The following WDR93 variants were observed in gnomAD, a reference collection of about 807,000 sequenced individuals.
WDR93 encodes the protein WD repeat-containing protein 93.
A neutral mutation model predicts 82.9 loss-of-function variants in WDR93; 73 were observed. That is an observed-to-expected ratio of 0.88 (90% CI 0.73 to 1.07). The LOEUF is 1.07. Ranked by LOEUF, WDR93 falls within the 50% of genes least tolerant of loss-of-function variation. The pLI is 0.00. For synonymous variants in WDR93, 283 were observed against 300.1 expected (o/e 0.94, Z 0.59); for missense variants, 738 against 826.0 (o/e 0.89, Z 1.31).
In WDR93 at chr15:89,703,008, C is replaced by G. The variant is rs749750632; in HGVS notation, c.362C>G (p.Ala121Gly). The G allele has an allele frequency of 6.2e-7, 1 of 1,614,108 alleles. No individual in the cohort carries two copies. The highest frequency in any genetic ancestry group is 1.1e-5 in the South Asian group (1 of 91,060). The change falls in exon 3 of 17, where the codon GCC becomes GGC. Residue 121 changes from alanine to glycine, a missense_variant. Transcript: ENST00000268130. ...VSQDYVFIGGAKGFSIYNLYS... is the reference protein window; with the variant it reads ...VSQDYVFIGGGKGFSIYNLYS... ...CAAGACTATGTGTTTATTGGAGGAG[C>G]CAAAGGATTCTCAATTTATAATCTG...
At chr15:89,742,466 G>T (rs1967757575) in intron 16 of WDR93, among the ~76,000 whole-genome samples, 1 of 152,032 alleles carries the variant, frequency 6.6e-6, no homozygotes, top group Non-Finnish European at 1.5e-5. Context: ...ACTCTGAGGG[G>T]TGAATCTTGG....
chr15:89,691,519 A>G (rs1228247079), intron 1 of WDR93, among the ~76,000 whole-genome samples: 1 of 152,112 alleles, frequency 6.6e-6, no homozygotes. Flanking sequence ...GGAGTTGGAG[A>G]CCAGCCTGGC....
At position 89,727,221 on chromosome 15, in the gene WDR93, C is replaced by T. The variant is rs754921046; in HGVS notation, c.945C>T (p.Ser315=). ...AKIKDCYGLG[S]GQNHFIKDSQ... ...TCAAGGACTGCTACGGACTGGGCTCCGGGCAGAATCATTTCATCAAGGACA... is the reference window on the plus strand; with the variant it reads ...TCAAGGACTGCTACGGACTGGGCTCTGGGCAGAATCATTTCATCAAGGACA... Residue 315 remains serine, a synonymous_variant, in exon 9 of 17, where the codon TCC becomes TCT. Transcript: ENST00000268130. 13 of 1,614,004 alleles carry T rather than the reference C, an allele frequency of 8.1e-6. No homozygotes were observed. The highest frequency in any genetic ancestry group is 6.7e-5 in the African/African-American group (5 of 74,894).
chr15:89,703,458 C>A (rs550833457), intron 3 of WDR93: 18 of 385,196 alleles, frequency 4.7e-5, no homozygotes, highest in South Asian at 3.5e-4. Context: ...TCAAACCAGG[C>A]AGTATGGCCC....
intron 3 of WDR93, chr15:89,705,269 C>T (rs1965674888): frequency 7.4e-6 from 3 of 407,766 alleles, no homozygotes; most frequent in African/African-American, 2.1e-5. Context: ...AGATAGGAAT[C>T]AACCAGTGGA....
intron 4 of WDR93, among the ~76,000 whole-genome samples, chr15:89,708,123 G>T (rs1473681343): frequency 6.6e-6 from 1 of 152,170 alleles, no homozygotes; most frequent in Non-Finnish European, 1.5e-5. Flanking sequence ...GTTGTTGCCT[G>T]GGGCAACACA....
chr15:89,740,644 G>GTA (rs1447443344), intron 16 of WDR93, among the ~76,000 whole-genome samples: 3 of 152,030 alleles, frequency 2.0e-5, no homozygotes, highest in Admixed American at 1.3e-4. Context: ...TGGGATTACA[G>GTA]GCATGCGCCA....
intron 2 of WDR93, 129 bp from the exon 3 acceptor site, chr15:89,702,821 T>C: frequency 9.4e-7 from 1 of 1,061,842 alleles, no homozygotes; most frequent in African/African-American, 1.6e-5. Flanking sequence ...TTACAGGCGT[T>C]AGCCACTGCG....
intron 8 of WDR93, among the ~76,000 whole-genome samples, chr15:89,725,993 T>C (rs904635656): frequency 5.3e-5 from 8 of 152,232 alleles, no homozygotes. Context: ...GAAAAAGGTT[T>C]AATAACTAAA....
At chr15:89,729,486 G>A (rs554060392) in intron 10 of WDR93, among the ~76,000 whole-genome samples, 197 bp from the exon 11 acceptor site, 44 of 152,242 alleles carry the variant, frequency 2.9e-4, no homozygotes, top group Non-Finnish European at 5.6e-4. Flanking sequence ...TGGGCCCCAG[G>A]AACAGCCCTC....
Position 89,715,072 on chromosome 15 carries a change from A to G in WDR93, c.733A>G (p.Lys245Glu). 6.2e-7 allele frequency: 1 copy of G among 1,613,950 alleles called. No individual in the cohort carries two copies. The highest frequency in any genetic ancestry group is 8.5e-7 in the Non-Finnish European group (1 of 1,179,932). The change falls in exon 6 of 17, where the codon AAA becomes GAA. Residue 245 changes from lysine to glutamate, a missense_variant. Physicochemically the swap from Lys to Glu is moderately conservative, Grantham distance 56 (BLOSUM62 1). Coordinates refer to ENST00000268130, the MANE Select transcript of WDR93 (RefSeq NM_020212.2). ...CCCCCAACTCACTTCAAATCCAAAG[A>G]AAAAAGTCAGACAGCCGCAACTGGT... ...EHPQLTSNPK[K>E]KVRQPQLNSL...
chr15:89,732,859 A>T, intron 12 of WDR93, 147 bp from the exon 13 acceptor site: 1 of 729,332 alleles, frequency 1.4e-6, no homozygotes, highest in African/African-American at 1.8e-5. Flanking sequence ...CACTAGGTTT[A>T]CTGATTTTCT....
Position 89,735,397 on chromosome 15 carries a change from T to C in WDR93, c.1545-93T>C, listed in dbSNP as rs748337320. The C allele has an allele frequency of 1.8e-4, 237 of 1,326,156 alleles. 2 individuals carry two copies. The highest frequency in any genetic ancestry group is 2.3e-4 in the Non-Finnish European group (217 of 931,760). 82.1% of individuals were successfully genotyped at this position (1,326,156 alleles called of 1,614,324 possible). On this transcript the variant is annotated intron_variant, in intron 13 of 16. Coordinates refer to ENST00000268130, the MANE Select transcript of WDR93 (RefSeq NM_020212.2). Reference sequence around the variant, plus strand: ...GCCTCCTCACATATTTCTTGATTTCTCTGAATTTCTCCAGGATATATGCCT... The same window carrying C: ...GCCTCCTCACATATTTCTTGATTTCCCTGAATTTCTCCAGGATATATGCCT...
At chr15:89,698,423 G>A (rs975856110) in intron 1 of WDR93, among the ~76,000 whole-genome samples, 1 of 152,124 alleles carries the variant, frequency 6.6e-6, no homozygotes, top group Non-Finnish European at 1.5e-5. Flanking sequence ...TGACTGGAGT[G>A]TTTACATTTG....
intron 8 of WDR93, among the ~76,000 whole-genome samples, chr15:89,722,516 A>G (rs1452860208): frequency 2.0e-5 from 3 of 152,204 alleles, no homozygotes; most frequent in Non-Finnish European, 1.5e-5. Context: ...ATAATGCACC[A>G]AGCACAAAGA....
rs760784325 is a variant in WDR93, at chr15:89,735,465, T to C, written c.1545-25T>C. 6 of 1,611,690 alleles carry C rather than the reference T, an allele frequency of 3.7e-6. No homozygotes were observed. In the African/African-American group the frequency reaches 4.0e-5, roughly 11 times the overall value. On this transcript the variant is annotated intron_variant, in intron 13 of 16. Coordinates refer to ENST00000268130, the MANE Select transcript of WDR93 (RefSeq NM_020212.2). Reference sequence around the variant, plus strand: ...CTTTTAAACTCTTAAAGTAGGAGAATGTCTGTATATTTTCTGTCCTATAGG... The same window carrying C: ...CTTTTAAACTCTTAAAGTAGGAGAACGTCTGTATATTTTCTGTCCTATAGG...
intron 5 of WDR93, among the ~76,000 whole-genome samples, chr15:89,712,484 A>G (rs138487420): frequency 7.5e-6 from 1 of 134,130 alleles, no homozygotes. Flanking sequence ...GTCTCCTCCT[A>G]CCTAGGATGG....
chr15:89,712,370 C>T (rs1224879629), intron 5 of WDR93, among the ~76,000 whole-genome samples: 3 of 90,614 alleles, frequency 3.3e-5, no homozygotes, highest in South Asian at 3.9e-4. Context: ...TTTTTTTTTT[C>T]GGATTTCACT....
intron 4 of WDR93, among the ~76,000 whole-genome samples, chr15:89,709,976 C>T (rs369550950): frequency 3.9e-5 from 6 of 151,946 alleles, no homozygotes; most frequent in South Asian, 4.2e-4. Flanking sequence ...CTGGCTAACA[C>T]GGTGAAACCC....
Sources: gnomAD v4.1 joint callset for allele counts (sites outside exome capture counted in the v4.1 genomes callset) on GRCh38, gnomAD v4.1.1 for gene constraint, MANE v1.5 for transcripts, NCBI Gene and HGNC (gene_info 2026-07-23, HGNC 2026-07-21) for gene names.